Variants in KCNMA1 observed in about 807,000 individuals in gnomAD.
KCNMA1 encodes Calcium-activated potassium channel subunit alpha-1.
Under a neutral mutation model 140.0 loss-of-function variants are expected in KCNMA1, and 29 were observed. That is an observed-to-expected ratio of 0.21 (90% CI 0.15 to 0.28). KCNMA1 has a LOEUF of 0.28. KCNMA1 is among the 10% of genes least tolerant of loss of function. The pLI is 1.00. For missense variants in KCNMA1, 880 were observed against 1,602.2 expected (o/e 0.55, Z 7.70); for synonymous variants, 612 against 611.9 (o/e 1.00, Z 0.00).
chr10:77,093,398 C>T (rs1453729583), intron 9 of KCNMA1, among the ~76,000 whole-genome samples: 1 of 152,164 alleles, frequency 6.6e-6, no homozygotes, highest in Non-Finnish European at 1.5e-5. Flanking sequence ...GATTTATGGC[C>T]TCCCCCTTTT....
chr10:77,477,299 C>A lies in KCNMA1; in HGVS notation c.379-73276G>T, dbSNP rs151189099. 4.6e-5 allele frequency among the ~76,000 whole-genome samples: 7 copies of A among 152,358 alleles called. No homozygotes were observed. In the East Asian group the frequency reaches 1.3e-3, roughly 29 times the overall value. ...TAGGAATAAGAATTCTATTTTCCCACACTTGCCAGTCTGACTCAAGATGGC... is the reference window on the plus strand; with the variant it reads ...TAGGAATAAGAATTCTATTTTCCCAAACTTGCCAGTCTGACTCAAGATGGC... On this transcript the variant is annotated intron_variant, in intron 1 of 27. Transcript: ENST00000286628.
At chr10:77,285,544 A>T (rs2070494888) in intron 2 of KCNMA1, among the ~76,000 whole-genome samples, 1 of 152,174 alleles carries the variant, frequency 6.6e-6, no homozygotes, top group Non-Finnish European at 1.5e-5. Context: ...GGCATATGGG[A>T]CTCATTAAGT....
intron 5 of KCNMA1, among the ~76,000 whole-genome samples, chr10:77,122,662 G>A (rs2097640608): frequency 6.6e-6 from 1 of 152,110 alleles, no homozygotes; most frequent in Non-Finnish European, 1.5e-5. Flanking sequence ...ACATCACATT[G>A]ATCATAAGCA....
intron 3 of KCNMA1, among the ~76,000 whole-genome samples, chr10:77,240,991 T>A (rs2057124914): frequency 6.6e-6 from 1 of 152,260 alleles, no homozygotes; most frequent in Non-Finnish European, 1.5e-5. Context: ...TTAAGTTGTC[T>A]TAAAATTTTT....
intron 1 of KCNMA1, chr10:77,636,998 C>G (rs2093819282): frequency 3.5e-6 from 5 of 1,411,092 alleles, no homozygotes; most frequent in Non-Finnish European, 4.6e-6. Context: ...GCCGCAGCCG[C>G]CAACAACCCT....
intron 2 of KCNMA1, among the ~76,000 whole-genome samples, chr10:77,369,829 G>T (rs1260331586): frequency 6.6e-6 from 1 of 152,186 alleles, no homozygotes; most frequent in Non-Finnish European, 1.5e-5. Flanking sequence ...TGATCAATAA[G>T]ATCTATGACT....
chr10:76,922,928 G>A (rs998571754), intron 23 of KCNMA1, among the ~76,000 whole-genome samples: 1 of 152,238 alleles, frequency 6.6e-6, no homozygotes. Flanking sequence ...TTCATTTAAG[G>A]TTTCCTGCTT....
intron 2 of KCNMA1, among the ~76,000 whole-genome samples, chr10:77,305,086 G>C (rs1424650232): frequency 6.6e-6 from 1 of 152,126 alleles, no homozygotes; most frequent in African/African-American, 2.4e-5. Context: ...GTGGTCGATG[G>C]ACCACACTGA....
At chr10:77,127,119 C>G (rs891158123) in intron 5 of KCNMA1, among the ~76,000 whole-genome samples, 3 of 123,932 alleles carry the variant, frequency 2.4e-5, no homozygotes, top group Non-Finnish European at 3.4e-5. Context: ...CACACACACA[C>G]AGAGTACATA....
chr10:77,254,369 C>T (rs1007670276), intron 2 of KCNMA1, among the ~76,000 whole-genome samples: 1 of 151,864 alleles, frequency 6.6e-6, no homozygotes, highest in East Asian at 1.9e-4. Context: ...CTACAGGTGC[C>T]TGCCACCATA....
chr10:77,191,307 T>C (rs906200046), intron 3 of KCNMA1, among the ~76,000 whole-genome samples: 5 of 152,332 alleles, frequency 3.3e-5, no homozygotes, highest in Middle Eastern at 3.4e-3. Context: ...ATAATGGATT[T>C]AGTGTGAATG....
intron 2 of KCNMA1, among the ~76,000 whole-genome samples, chr10:77,359,559 G>C (rs926146318): frequency 6.6e-6 from 1 of 152,262 alleles, no homozygotes; most frequent in Middle Eastern, 3.4e-3. Flanking sequence ...CCCTAAAAAA[G>C]CATGTTCTCA....
chr10:77,345,688 G>C (rs2091989901), intron 2 of KCNMA1, among the ~76,000 whole-genome samples: 1 of 152,182 alleles, frequency 6.6e-6, no homozygotes, highest in East Asian at 1.9e-4. Flanking sequence ...TCCGACACAG[G>C]TCTTCAACTG....
At chr10:77,359,269 G>C (rs1295314838) in intron 2 of KCNMA1, among the ~76,000 whole-genome samples, 1 of 152,198 alleles carries the variant, frequency 6.6e-6, no homozygotes, top group Non-Finnish European at 1.5e-5. Context: ...GGGCAGGAAG[G>C]TTTGTCCGCC....
intron 1 of KCNMA1, among the ~76,000 whole-genome samples, chr10:77,554,597 C>CAAAAAAAAAAAAAAAAAAAAAA (rs59754706): frequency 1.2e-4 from 10 of 84,090 alleles, no homozygotes; most frequent in Non-Finnish European, 1.9e-4. Flanking sequence ...TACTCCATCT[C>CAAAAAAAAAAAAAAAAAAAAAA]AAAAAAAAAA....
At chr10:77,540,669 C>A (rs187043395) in intron 1 of KCNMA1, among the ~76,000 whole-genome samples, 134 of 152,212 alleles carry the variant, frequency 8.8e-4, no homozygotes, top group African/African-American at 3.0e-3. Flanking sequence ...TCAATGTTCC[C>A]AGAATTATGA....
intron 5 of KCNMA1, among the ~76,000 whole-genome samples, chr10:77,161,616 C>T (rs1021450574): frequency 6.6e-5 from 10 of 152,264 alleles, no homozygotes; most frequent in African/African-American, 2.4e-4. Flanking sequence ...ACACTAGGTT[C>T]CATCATTCAA....
At chr10:77,385,588 G>A (rs1333234390) in intron 2 of KCNMA1, among the ~76,000 whole-genome samples, 2 of 152,218 alleles carry the variant, frequency 1.3e-5, no homozygotes, top group Non-Finnish European at 2.9e-5. Flanking sequence ...TGCCTTTAGA[G>A]TGGATAAGTC....
chr10:76,933,529 C>T (rs1449334890), intron 23 of KCNMA1, among the ~76,000 whole-genome samples: 1 of 152,200 alleles, frequency 6.6e-6, no homozygotes, highest in Non-Finnish European at 1.5e-5. Context: ...GAAAAACACT[C>T]GGCCTTTCCT....
Sources: allele counts gnomAD v4.1 joint callset (sites outside exome capture counted in the v4.1 genomes callset), GRCh38; gene constraint gnomAD v4.1.1; transcripts MANE v1.5; gene names NCBI Gene and HGNC (gene_info 2026-07-23, HGNC 2026-07-21).